Variants in ELF4 observed in about 807,000 individuals in gnomAD.
The protein encoded by ELF4 is ETS-related transcription factor Elf-4.
ELF4 carries 10 observed loss-of-function variants against 31.7 expected under a neutral mutation model. That is an observed-to-expected ratio of 0.32 (90% CI 0.19 to 0.54). ELF4 has a LOEUF of 0.54. Among genes scored for constraint, ELF4 ranks in the 20% least tolerant of loss-of-function variants. The pLI is 0.95. For synonymous variants in ELF4, 208 were observed against 226.7 expected, an observed-to-expected ratio of 0.92 and a Z score of 0.74; for missense variants, 418 against 522.0, an observed-to-expected ratio of 0.80 and a Z score of 1.94.
intron 1 of ELF4, among the ~76,000 whole-genome samples, chrX:130,100,087 A>C (rs1933223359): frequency 8.9e-6 from 1 of 111,883 alleles, no homozygotes; most frequent in African/African-American, 3.2e-5. Context: ...CCCAGTAGCC[A>C]TGGAGTGAGC....
intron 1 of ELF4, among the ~76,000 whole-genome samples, chrX:130,095,478 C>G (rs1410576103): frequency 7.2e-5 from 8 of 111,823 alleles, no homozygotes; most frequent in Non-Finnish European, 1.5e-4. Context: ...TGCTAGCAAC[C>G]ATCTGCTAGG....
Position 130,072,309 on chromosome X carries a change from G to C in ELF4, c.449C>G (p.Thr150Ser). 1 of 1,212,382 alleles carries C rather than the reference G, an allele frequency of 8.2e-7. No homozygotes were observed. The highest frequency in any genetic ancestry group is 1.7e-5 in the African/African-American group (1 of 57,961). The change falls in exon 5 of 9, where the codon ACT becomes AGT. Residue 150 changes from threonine (T) to serine (S), a missense_variant. Thr to Ser is a moderately conservative substitution (Grantham distance 58). Coordinates refer to ENST00000308167, the MANE Select transcript of ELF4 (RefSeq NM_001421.4). ...CAGAGAATGCCCCTCCTGGTCACTAGTGTCACCCGCCCTGTTCAGGGCATC... is the reference window on the plus strand; with the variant it reads ...CAGAGAATGCCCCTCCTGGTCACTACTGTCACCCGCCCTGTTCAGGGCATC... ...EPDALNRAGD[T>S]SDQEGHSLEE...
chrX:130,084,568 G>C (rs1298406038), intron 1 of ELF4, among the ~76,000 whole-genome samples: 1 of 111,921 alleles, frequency 8.9e-6, no homozygotes, highest in Non-Finnish European at 1.9e-5. Context: ...TCGGGATTGT[G>C]AGGTATTGTG....
chrX:130,093,799 C>T (rs1488750817), intron 1 of ELF4, among the ~76,000 whole-genome samples: 1 of 112,034 alleles, frequency 8.9e-6, no homozygotes, highest in African/African-American at 3.3e-5. Flanking sequence ...GTGCAAGAAG[C>T]TAAGGGGATT....
chrX:130,074,061 C>T lies in ELF4; in HGVS notation c.328G>A (p.Glu110Lys), dbSNP rs751045589. ...NMESPSDILD[E>K]KQIFSTSEML... The stretch of plus-strand genomic sequence containing the variant: ...GGTTCAAACTTACAGATCTGCTTCT[C>T]ATCCAGGATATCGCTGGGAGACTCC... The change falls in exon 4 of 9, where the codon GAG becomes AAG. Residue 110 changes from glutamate to lysine, a missense_variant. Around this residue, in one of 4 missense-constraint regions of ELF4, gnomAD observed 88 missense variants for 92.4 expected, o/e 0.95. Coordinates refer to ENST00000308167, the MANE Select transcript of ELF4 (RefSeq NM_001421.4). 3 of 1,211,756 alleles carry T rather than the reference C, an allele frequency of 2.5e-6. No homozygotes were observed. Among genetic ancestry groups the T allele is most frequent in the South Asian group, 1.8e-5 (1 of 56,996 alleles).
intron 2 of ELF4, among the ~76,000 whole-genome samples, chrX:130,075,616 G>C (rs1569403871): frequency 8.9e-6 from 1 of 111,768 alleles, no homozygotes; most frequent in East Asian, 2.8e-4. Flanking sequence ...GGTTTAACCC[G>C]TGGCCAGGTT....
chrX:130,087,267 G>A (rs1048457978), intron 1 of ELF4, among the ~76,000 whole-genome samples: 2 of 111,919 alleles, frequency 1.8e-5, no homozygotes, highest in South Asian at 3.7e-4. Flanking sequence ...CCAGTATAAC[G>A]GTCTGCCAGC....
chrX:130,071,490 G>A lies in ELF4; in HGVS notation c.533-71C>T, dbSNP rs778108032. 4,972 of 1,051,677 alleles carry A rather than the reference G, an allele frequency of 4.7e-3. 11 individuals are homozygous for A. Among genetic ancestry groups the A allele is most frequent in the Non-Finnish European group, 6.0e-3 (4,534 of 757,365 alleles). 86.7% of individuals were successfully genotyped at this position (1,051,677 alleles called of 1,213,427 possible). On this transcript the variant is annotated intron_variant, in intron 5 of 8. Coordinates refer to ENST00000308167, the MANE Select transcript of ELF4 (RefSeq NM_001421.4). ...GGCCCGGGAGCTGGCCAAGTTGGCT[G>A]TGACAAAGCCAACAAGGAGGAGGCA... is the stretch of plus-strand genomic sequence containing the variant.
intron 1 of ELF4, among the ~76,000 whole-genome samples, chrX:130,083,800 ATGGG>A (rs758418260): frequency 2.9e-5 from 3 of 103,346 alleles, no homozygotes; most frequent in Non-Finnish European, 3.9e-5. Flanking sequence ...GAATGGGTGG[ATGGG>A]TGGGTGGGTG....
chrX:130,106,620 C>T (rs1026380673), intron 1 of ELF4, among the ~76,000 whole-genome samples: 5 of 111,901 alleles, frequency 4.5e-5, no homozygotes, highest in African/African-American at 1.3e-4. Context: ...CCTAGGAAAG[C>T]GCCTATGGGA....
Position 130,091,609 on chromosome X carries a change from G to A in ELF4, c.-209-10070C>T, listed in dbSNP as rs777526708. Among the ~76,000 whole-genome samples, 5 of 111,667 alleles carry A rather than the reference G, an allele frequency of 4.5e-5. No individual in the cohort carries two copies. The Admixed American group carries it at 4.7e-4, about 11-fold the overall frequency. On this transcript the variant is annotated intron_variant, in intron 1 of 8. Coordinates refer to ENST00000308167, the MANE Select transcript of ELF4 (RefSeq NM_001421.4). ...ACCCCATCATGTTGATTTCTGAGAA[G>A]AATGTCACAGAGCACTTGGGGATGG...
At chrX:130,067,877 A>G (rs1264551571) in intron 8 of ELF4, among the ~76,000 whole-genome samples, 1 of 110,864 alleles carries the variant, frequency 9.0e-6, no homozygotes, top group Non-Finnish European at 1.9e-5. Flanking sequence ...CAGTAGTGCA[A>G]TCTTGGCTTA....
At chrX:130,075,062 G>A (rs1185857319) in intron 2 of ELF4, among the ~76,000 whole-genome samples, 2 of 109,592 alleles carry the variant, frequency 1.8e-5, no homozygotes, top group African/African-American at 6.7e-5. Flanking sequence ...TCCGCCTCCC[G>A]GGTTCAAGCG....
At chrX:130,072,162 A>T in intron 5 of ELF4, 64 bp downstream of exon 5, 1 of 1,170,268 alleles carries the variant, frequency 8.5e-7, no homozygotes, top group Non-Finnish European at 1.2e-6. Context: ...ATGAGCCCTG[A>T]CCGCCCCCCC....
chrX:130,095,313 A>C (rs1305713593), intron 1 of ELF4, among the ~76,000 whole-genome samples: 1 of 112,440 alleles, frequency 8.9e-6, no homozygotes, highest in Non-Finnish European at 1.9e-5. Context: ...TTTGGTAATA[A>C]TTCTGTTTTA....
Position 130,066,896 on chromosome X carries a change from G to T in ELF4, c.1817C>A (p.Thr606Asn). ...NQTLSPPSRP[T>N]VGLTPVAELE... ...TTCAGCCACTGGGGTCAGCCCAACAGTGGGGCGGCTGGGAGGAGACAAAGT... is the reference window on the plus strand; with the variant it reads ...TTCAGCCACTGGGGTCAGCCCAACATTGGGGCGGCTGGGAGGAGACAAAGT... Residue 606 changes from threonine to asparagine, a missense_variant, in exon 9 of 9, where the codon ACT becomes AAT. Thr to Asn is a moderately conservative substitution (Grantham distance 65, BLOSUM62 0). Around this residue, in one of 4 missense-constraint regions of ELF4, gnomAD observed 260 missense variants for 269.2 expected, o/e 0.97. Coordinates refer to ENST00000308167, the MANE Select transcript of ELF4 (RefSeq NM_001421.4). 3 of 1,210,717 alleles carry T rather than the reference G, an allele frequency of 2.5e-6. No individual in the cohort carries two copies. Among genetic ancestry groups the T allele is most frequent in the Non-Finnish European group, 3.4e-6 (3 of 895,362 alleles).
chrX:130,099,546 C>T (rs898401053), intron 1 of ELF4, among the ~76,000 whole-genome samples: 1 of 111,289 alleles, frequency 9.0e-6, no homozygotes, highest in African/African-American at 3.3e-5. Flanking sequence ...TGCACTCTAG[C>T]CTGGGTGACA....
chrX:130,085,442 AC>A (rs766004370), intron 1 of ELF4, among the ~76,000 whole-genome samples: 4 of 111,525 alleles, frequency 3.6e-5, no homozygotes, highest in South Asian at 7.5e-4. Context: ...AGATGCACAG[AC>A]CCTTCCTGGG....
At chrX:130,085,869 G>A (rs934671503) in intron 1 of ELF4, among the ~76,000 whole-genome samples, 19 of 112,063 alleles carry the variant, frequency 1.7e-4, no homozygotes, top group Non-Finnish European at 3.0e-4. Flanking sequence ...AGGAACAGCT[G>A]TACCCTCGAC....
Sources: gnomAD v4.1 joint callset for allele counts (sites outside exome capture counted in the v4.1 genomes callset) on GRCh38, gnomAD v4.1.1 for gene constraint, gnomAD v4.1.1 regional missense constraint, MANE v1.5 for transcripts, NCBI Gene and HGNC (gene_info 2026-07-23, HGNC 2026-07-21) for gene names.